The following TMIGD1 variants were observed in gnomAD, a reference collection of about 807,000 sequenced individuals.
The protein encoded by TMIGD1 is transmembrane and immunoglobulin domain containing 1.
Under a neutral mutation model 27.5 loss-of-function variants are expected in TMIGD1, and 29 were observed. That is an observed-to-expected ratio of 1.05 (90% CI 0.78 to 1.44). The LOEUF (loss-of-function observed/expected upper bound fraction) is 1.44, where lower values mean the gene tolerates loss of function less well. Ranked by LOEUF, TMIGD1 falls within the 40% of genes most tolerant of loss-of-function variation. The pLI is 0.00. For synonymous variants in TMIGD1, 109 were observed against 110.3 expected (o/e 0.99, Z 0.07); for missense variants, 334 against 310.6 (o/e 1.08, Z -0.57).
intron 3 of TMIGD1, among the ~76,000 whole-genome samples, chr17:30,327,569 A>ATTTTATTTTATTTTT (rs1567850673): frequency 1.3e-5 from 2 of 150,598 alleles, no homozygotes; most frequent in African/African-American, 4.9e-5. Context: ...ATTTTATTTT[A>ATTTTATTTTATTTTT]TTTTTTTTGA....
Position 30,323,247 on chromosome 17 carries a change from T to A in TMIGD1, c.640+1569A>T, listed in dbSNP as rs143137814. On this transcript the variant is annotated intron_variant, in intron 4 of 6. Coordinates refer to ENST00000328886, the MANE Select transcript of TMIGD1 (RefSeq NM_206832.3). ...CATAACTGCCCCTCTCCCCTTGTCC[T>A]GTTTTATGGTCTCATTTGTAACCAG... Among the ~76,000 whole-genome samples the A allele has an allele frequency of 1.1e-4, 16 of 152,368 alleles. No individual in the cohort carries two copies. The East Asian group carries it at 2.3e-3, about 22-fold the overall frequency.
chr17:30,325,258 C>A (rs1039042179), intron 3 of TMIGD1, among the ~76,000 whole-genome samples, 164 bp from the exon 4 acceptor site: 2 of 152,142 alleles, frequency 1.3e-5, no homozygotes, highest in Admixed American at 6.5e-5. Flanking sequence ...GGGCAAATAA[C>A]ACTTCCAGTT....
At chr17:30,331,731 G>A (rs1909984184) in intron 2 of TMIGD1, among the ~76,000 whole-genome samples, 1 of 152,068 alleles carries the variant, frequency 6.6e-6, no homozygotes, top group Non-Finnish European at 1.5e-5. Flanking sequence ...TGGAACTACA[G>A]GCGCCTGCCA....
At chr17:30,329,894 G>A (rs1175479826) in intron 2 of TMIGD1, among the ~76,000 whole-genome samples, 1 of 150,256 alleles carries the variant, frequency 6.7e-6, no homozygotes, top group Non-Finnish European at 1.5e-5. Context: ...AACATAGTGA[G>A]ACTCCGTCTC....
At chr17:30,319,922 C>T (rs1289322027) in intron 4 of TMIGD1, among the ~76,000 whole-genome samples, 1 of 152,090 alleles carries the variant, frequency 6.6e-6, no homozygotes, top group Non-Finnish European at 1.5e-5. Flanking sequence ...CTCTAAATGC[C>T]ATGCAAAGAG....
chr17:30,332,889 C>T (rs3110094), intron 1 of TMIGD1, among the ~76,000 whole-genome samples: 80,390 of 151,886 alleles, frequency 0.53, 22,256 homozygotes, highest in African/African-American at 0.68. Flanking sequence ...AAACTTTCTG[C>T]GCAACAGGGA....
chr17:30,324,856 A>C lies in TMIGD1; in HGVS notation c.600T>G (p.Ser200=), dbSNP rs773033604. 1.8e-5 allele frequency: 29 copies of C among 1,614,194 alleles called. No homozygotes were observed. In the Middle Eastern group the frequency reaches 6.6e-4, roughly 37 times the overall value. Residue 200 remains serine, a synonymous_variant, in exon 4 of 7, where the codon TCT becomes TCG. Transcript: ENST00000328886. The part of the protein sequence containing the change: ...NGTYSCIAKS[S]LKTESLDFHL... ...GAAAGTCCAAGCTCTCCGTTTTCAG[A>C]GATGACTTTGCAATACAACTGTAGG... is the stretch of plus-strand genomic sequence containing the variant.
At chr17:30,324,368 G>A (rs1909708319) in intron 4 of TMIGD1, among the ~76,000 whole-genome samples, 1 of 152,122 alleles carries the variant, frequency 6.6e-6, no homozygotes, top group Admixed American at 6.5e-5. Context: ...TACTCTCTCT[G>A]CTGATTACCC....
intron 2 of TMIGD1, among the ~76,000 whole-genome samples, chr17:30,331,608 G>A (rs1011451759): frequency 5.0e-5 from 7 of 140,574 alleles, no homozygotes; most frequent in Non-Finnish European, 7.6e-5. Flanking sequence ...TTTTTGAGAC[G>A]GAGTCTCGCC....
At chr17:30,327,045 T>TACACACACACAC (rs60346282) in intron 3 of TMIGD1, among the ~76,000 whole-genome samples, 29 of 146,588 alleles carry the variant, frequency 2.0e-4, no homozygotes, top group African/African-American at 7.0e-4. Context: ...CAATTAACTA[T>TACACACACACAC]ACACACACAC....
chr17:30,321,133 T>C (rs1271919689), intron 4 of TMIGD1, among the ~76,000 whole-genome samples: 1 of 151,622 alleles, frequency 6.6e-6, no homozygotes, highest in Admixed American at 6.6e-5. Flanking sequence ...GCTGGGATTA[T>C]AGGTGTGAGC....
intron 3 of TMIGD1, among the ~76,000 whole-genome samples, chr17:30,327,544 T>TTTCTA (rs1329818540): frequency 6.6e-6 from 1 of 151,792 alleles, no homozygotes; most frequent in Non-Finnish European, 1.5e-5. Context: ...CTTAGCTGGC[T>TTTCTA]TTTTATTTTA....
Position 30,317,252 on chromosome 17 carries a change from G to C in TMIGD1, c.745-19C>G. On this transcript the variant is annotated intron_variant, in intron 5 of 6. Transcript: ENST00000328886. ...TGCAGAGCTAAAAGCAAACATGGCA[G>C]TAAATTAGCCTGCTTTTTAAGGCCC... 1 of 1,613,904 alleles carries C rather than the reference G, an allele frequency of 6.2e-7. No homozygotes were observed. The highest frequency in any genetic ancestry group is 8.5e-7 in the Non-Finnish European group (1 of 1,179,868).
At chr17:30,325,220 T>A in intron 3 of TMIGD1, 126 bp from the exon 4 acceptor site, 1 of 997,810 alleles carries the variant, frequency 1.0e-6, no homozygotes. Context: ...ATTAAATACG[T>A]ACGGTGTGAC....
chr17:30,327,053 CA>C (rs1909806724), intron 3 of TMIGD1, among the ~76,000 whole-genome samples: 1 of 151,560 alleles, frequency 6.6e-6, no homozygotes, highest in African/African-American at 2.4e-5. Flanking sequence ...TATACACACA[CA>C]CACACACACA....
intron 3 of TMIGD1, among the ~76,000 whole-genome samples, chr17:30,326,994 T>C (rs929060278): frequency 1.4e-4 from 22 of 152,146 alleles, no homozygotes; most frequent in Non-Finnish European, 2.4e-4. Context: ...GATTTATTGG[T>C]TGATGACTTT....
Position 30,317,204 on chromosome 17 carries a change from A to C in TMIGD1, c.774T>G (p.Ser258Arg), listed in dbSNP as rs769730568. The part of the protein sequence containing the change: ...KLCMKDKDPH[S>R]ETAL ...CCTAGAGTACTTACAGAGCTGTTTC[A>C]CTGTGAGGGTCTTTATCCTTCATGC... Residue 258 changes from serine to arginine, a missense_variant, in exon 6 of 7, where the codon AGT (serine) becomes AGG (arginine). Transcript: ENST00000328886. 1 of 1,614,100 alleles carries C rather than the reference A, an allele frequency of 6.2e-7. No individual in the cohort carries two copies. The highest frequency in any genetic ancestry group is 8.5e-7 in the Non-Finnish European group (1 of 1,179,978).
intron 4 of TMIGD1, 84 bp downstream of exon 4, chr17:30,324,732 A>G: frequency 6.8e-7 from 1 of 1,472,668 alleles, no homozygotes; most frequent in Non-Finnish European, 9.2e-7. Context: ...AACCGTTATT[A>G]TCATTTATTG....
chr17:30,322,780 G>A (rs766103004), intron 4 of TMIGD1, among the ~76,000 whole-genome samples: 2 of 152,222 alleles, frequency 1.3e-5, no homozygotes, highest in Non-Finnish European at 2.9e-5. Flanking sequence ...GATTACAGGC[G>A]TGAGCCGCTG....
Sources: allele counts gnomAD v4.1 joint callset (sites outside exome capture counted in the v4.1 genomes callset), GRCh38; gene constraint gnomAD v4.1.1; transcripts MANE v1.5; gene names NCBI Gene and HGNC (gene_info 2026-07-23, HGNC 2026-07-21).